CSMD1: variants seen among roughly 807,000 people sequenced by gnomAD.
CSMD1 encodes CUB and Sushi multiple domains 1.
CSMD1 carries 213 observed loss-of-function variants against 417.5 expected under a neutral mutation model. That is an observed-to-expected ratio of 0.51 (90% CI 0.46 to 0.57). The LOEUF is 0.57. Among genes scored for constraint, CSMD1 ranks in the 20% least tolerant of loss-of-function variants. The pLI, the probability that CSMD1 is intolerant of heterozygous loss-of-function variation, is 0.00. For synonymous variants in CSMD1, 2,862 were observed against 1,736.8 expected, an observed-to-expected ratio of 1.65 and a Z score of -16.11; for missense variants, 6,923 against 4,529.7, an observed-to-expected ratio of 1.53 and a Z score of -15.17.
At chr8:3,362,529 G>A (rs971839422) in intron 20 of CSMD1, among the ~76,000 whole-genome samples, 1 of 152,186 alleles carries the variant, frequency 6.6e-6, no homozygotes, top group Non-Finnish European at 1.5e-5. Flanking sequence ...TCATTTGGCT[G>A]ATTCGGAACT....
At chr8:3,469,294 AT>A (rs1245427338) in intron 11 of CSMD1, 2 of 152,808 alleles carry the variant, frequency 1.3e-5, no homozygotes, top group African/African-American at 4.8e-5. Context: ...AAAGGTTTTC[AT>A]TGTCTAGAAC....
At chr8:3,598,014 C>T (rs1801175350) in intron 8 of CSMD1, among the ~76,000 whole-genome samples, 1 of 152,224 alleles carries the variant, frequency 6.6e-6, no homozygotes, top group African/African-American at 2.4e-5. Flanking sequence ...TATCTCCTCT[C>T]TTTATCATTT....
chr8:4,420,383 A>C (rs570746340), intron 2 of CSMD1, among the ~76,000 whole-genome samples: 2 of 151,516 alleles, frequency 1.3e-5, no homozygotes, highest in Admixed American at 6.6e-5. Flanking sequence ...TTTTTATTTG[A>C]ATTTTTAAGT....
chr8:3,410,532 C>T (rs539284658), intron 12 of CSMD1, among the ~76,000 whole-genome samples: 1 of 152,134 alleles, frequency 6.6e-6, no homozygotes, highest in Non-Finnish European at 1.5e-5. Context: ...TTGCCCTGCA[C>T]AAGCTTTCTC....
chr8:3,701,619 A>C (rs548741875), intron 7 of CSMD1, among the ~76,000 whole-genome samples: 15 of 152,114 alleles, frequency 9.9e-5, no homozygotes, highest in Non-Finnish European at 1.8e-4. Context: ...AAAACTACGA[A>C]TATTATAATT....
At chr8:3,389,065 A>C (rs1056218820) in intron 17 of CSMD1, among the ~76,000 whole-genome samples, 8 of 152,122 alleles carry the variant, frequency 5.3e-5, no homozygotes, top group Admixed American at 6.6e-5. Context: ...GTTGTTGTTT[A>C]CTTTTATTTT....
At chr8:4,284,356 G>T (rs1345833161) in intron 3 of CSMD1, among the ~76,000 whole-genome samples, 3 of 151,758 alleles carry the variant, frequency 2.0e-5, no homozygotes, top group Non-Finnish European at 4.4e-5. Flanking sequence ...GGACAAGAGA[G>T]AAACTACAAC....
intron 52 of CSMD1, among the ~76,000 whole-genome samples, chr8:3,010,449 A>G (rs1229657723): frequency 2.0e-5 from 3 of 152,020 alleles, no homozygotes; most frequent in Admixed American, 6.6e-5. Context: ...TCGTGGCCCT[A>G]TCAGTCCAGG....
chr8:4,338,070 C>G (rs1199555352), intron 3 of CSMD1, among the ~76,000 whole-genome samples: 2 of 152,086 alleles, frequency 1.3e-5, no homozygotes, highest in African/African-American at 4.8e-5. Flanking sequence ...CCATCATACT[C>G]TTTTTAATAC....
At chr8:3,785,397 T>C (rs7010872) in intron 5 of CSMD1, among the ~76,000 whole-genome samples, 14,570 of 152,184 alleles carry the variant, frequency 0.096, 929 homozygotes, top group African/African-American at 0.18. Context: ...ATCAAGGGTC[T>C]GTTCTGGTGA....
At chr8:4,853,769 C>G (rs775276883) in intron 1 of CSMD1, among the ~76,000 whole-genome samples, 1 of 152,174 alleles carries the variant, frequency 6.6e-6, no homozygotes, top group Non-Finnish European at 1.5e-5. Flanking sequence ...AACTCCAGCA[C>G]ATGAAAGCAG....
intron 15 of CSMD1, among the ~76,000 whole-genome samples, 152 bp downstream of exon 15, chr8:3,405,875 G>C (rs371823934): frequency 6.6e-6 from 1 of 152,176 alleles, no homozygotes; most frequent in South Asian, 2.1e-4. Context: ...TCCAGAACTG[G>C]GAGACTGTAC....
chr8:4,202,861 A>G (rs1799740016), intron 3 of CSMD1, among the ~76,000 whole-genome samples: 1 of 152,214 alleles, frequency 6.6e-6, no homozygotes, highest in African/African-American at 2.4e-5. Context: ...AAATGCAGGT[A>G]CCTGAGAAAT....
At chr8:3,890,692 C>A (rs990198360) in intron 5 of CSMD1, among the ~76,000 whole-genome samples, 1 of 151,534 alleles carries the variant, frequency 6.6e-6, no homozygotes, top group African/African-American at 2.4e-5. Flanking sequence ...ATGAGTCCTG[C>A]CCCAGAAAAC....
At chr8:2,967,680 T>C (rs1241003845) in intron 57 of CSMD1, among the ~76,000 whole-genome samples, 1 of 152,208 alleles carries the variant, frequency 6.6e-6, no homozygotes, top group East Asian at 1.9e-4. Context: ...TGAGACTGCC[T>C]CTGAGCTGAT....
chr8:3,509,571 A>C (rs1410651877), intron 10 of CSMD1, among the ~76,000 whole-genome samples: 1 of 152,176 alleles, frequency 6.6e-6, no homozygotes, highest in African/African-American at 2.4e-5. Context: ...CCAATTTTCT[A>C]TAACTGTTTC....
chr8:3,032,484 G>C (rs1030908847), intron 50 of CSMD1, among the ~76,000 whole-genome samples: 1 of 152,016 alleles, frequency 6.6e-6, no homozygotes, highest in African/African-American at 2.4e-5. Flanking sequence ...CTGTCCCAAA[G>C]AATGTCCTTT....
intron 20 of CSMD1, among the ~76,000 whole-genome samples, chr8:3,363,524 T>A (rs1449057755): frequency 1.3e-5 from 2 of 151,890 alleles, no homozygotes; most frequent in Non-Finnish European, 2.9e-5. Flanking sequence ...TATTTATTTA[T>A]TTATTTATTT....
At chr8:4,841,269 T>A (rs969379652) in intron 1 of CSMD1, among the ~76,000 whole-genome samples, 1 of 152,356 alleles carries the variant, frequency 6.6e-6, no homozygotes, top group South Asian at 2.1e-4. Flanking sequence ...AATGCAGCCT[T>A]TGGTTATTGA....
Sources: allele counts gnomAD v4.1 joint callset (sites outside exome capture counted in the v4.1 genomes callset), GRCh38; gene constraint gnomAD v4.1.1; transcripts MANE v1.5; gene names NCBI Gene and HGNC (gene_info 2026-07-23, HGNC 2026-07-21).